MYO1E: variants seen among roughly 807,000 people sequenced by gnomAD.
The protein encoded by MYO1E is myosin IE.
A neutral mutation model predicts 151.1 loss-of-function variants in MYO1E; 68 were observed. That is an observed-to-expected ratio of 0.45 (90% CI 0.37 to 0.55). MYO1E has a LOEUF of 0.55. MYO1E is among the 20% of genes least tolerant of loss of function. The pLI is 0.00. For missense variants in MYO1E, 1,363 were observed against 1,389.3 expected (o/e 0.98, Z 0.30); for synonymous variants, 601 against 501.7 (o/e 1.20, Z -2.64).
chr15:59,230,251 T>TGTGC lies in MYO1E; in HGVS notation c.510+1447_510+1450dup, dbSNP rs1555412965. ...GTGTGTGTGTGTGTGTGTGTGTGTGTGTGCAGGTGAATGTGTGTCTGAATT... is the reference window on the plus strand; with the variant it reads ...GTGTGTGTGTGTGTGTGTGTGTGTGTGTGCGTGCAGGTGAATGTGTGTCTGAATT... On this transcript the variant is annotated intron_variant, in intron 6 of 27. Coordinates refer to ENST00000288235, the MANE Select transcript of MYO1E (RefSeq NM_004998.4). Among the ~76,000 whole-genome samples the TGTGC allele has an allele frequency of 1.3e-3, 195 of 151,770 alleles. 1 individual carries two copies. The highest frequency in any genetic ancestry group is 4.2e-3 in the African/African-American group (172 of 41,302).
intron 4 of MYO1E, among the ~76,000 whole-genome samples, chr15:59,252,158 C>T (rs1193430441): frequency 1.3e-5 from 2 of 152,092 alleles, no homozygotes; most frequent in Non-Finnish European, 2.9e-5. Context: ...TTTTCAACTT[C>T]ATTTTTCTCT....
At chr15:59,147,998 C>A (rs1482950029) in intron 26 of MYO1E, among the ~76,000 whole-genome samples, 1 of 152,124 alleles carries the variant, frequency 6.6e-6, no homozygotes, top group East Asian at 1.9e-4. Flanking sequence ...CCTGGTAGAG[C>A]ATTAAAATTT....
intron 1 of MYO1E, among the ~76,000 whole-genome samples, chr15:59,273,219 G>T (rs1471959687): frequency 6.6e-6 from 1 of 152,196 alleles, no homozygotes; most frequent in Non-Finnish European, 1.5e-5. Context: ...GGATTTTTCA[G>T]CTTCACACCA....
intron 2 of MYO1E, chr15:59,264,882 A>G (rs12437571): frequency 0.23 from 34,610 of 151,982 alleles, 4,608 homozygotes; most frequent in East Asian, 0.53. Flanking sequence ...AAATTAGCCA[A>G]GCATGTTGGT....
intron 26 of MYO1E, among the ~76,000 whole-genome samples, chr15:59,149,855 G>C (rs776098335): frequency 6.6e-5 from 10 of 152,160 alleles, no homozygotes; most frequent in Non-Finnish European, 1.5e-4. Context: ...TTGATGTATA[G>C]GAATTTTCAT....
rs1383014659 is a variant in MYO1E at position 59,174,959 on chromosome 15, A to G, written c.2050-719T>C. Among the ~76,000 whole-genome samples the G allele has an allele frequency of 2.6e-5, 4 of 152,048 alleles. No individual in the cohort carries two copies. In the East Asian group the frequency reaches 7.7e-4, roughly 29 times the overall value. On this transcript the variant is annotated intron_variant, in intron 19 of 27. Transcript: ENST00000288235. ...AATGAATGCTGACAGCTGCGCCTCAACCAGGCCTTGGAATGATAAAGGTGA... is the reference window on the plus strand; with the variant it reads ...AATGAATGCTGACAGCTGCGCCTCAGCCAGGCCTTGGAATGATAAAGGTGA...
At chr15:59,301,578 G>C (rs1308635546) in intron 1 of MYO1E, among the ~76,000 whole-genome samples, 1 of 152,230 alleles carries the variant, frequency 6.6e-6, no homozygotes, top group Non-Finnish European at 1.5e-5. Flanking sequence ...TAATTGAAGA[G>C]ATCTTCTTGG....
chr15:59,202,005 G>C lies in MYO1E; in HGVS notation c.1698+321C>G, dbSNP rs150362792. The stretch of plus-strand genomic sequence containing the variant: ...TCAACAGTATCCAAAACATGGCTCC[G>C]AACCATATTTCTCTGACAGTTTAAC... On this transcript the variant is annotated intron_variant, in intron 16 of 27. Coordinates refer to ENST00000288235, the MANE Select transcript of MYO1E (RefSeq NM_004998.4). Among the ~76,000 whole-genome samples, 652 of 152,264 alleles carry C rather than the reference G, an allele frequency of 4.3e-3. 9 individuals carry two copies. The highest frequency in any genetic ancestry group is 0.015 in the African/African-American group (605 of 41,558).
chr15:59,354,979 C>T (rs2140437246), intron 1 of MYO1E, among the ~76,000 whole-genome samples: 1 of 152,332 alleles, frequency 6.6e-6, no homozygotes, highest in African/African-American at 2.4e-5. Flanking sequence ...TCTTTGAAAA[C>T]TATTTCCAGT....
rs1221921502 is a variant in MYO1E at position 59,136,874 on chromosome 15, GA to G, written c.*505del. ...CAGCTTACCCTTGGCACGTACATGG[GA>G]AGTGCCTGCTCACGCTAAGCCCAGT... On this transcript the variant is annotated 3_prime_UTR_variant, in exon 28 of 28. Coordinates refer to ENST00000288235, the MANE Select transcript of MYO1E (RefSeq NM_004998.4). 1.7e-5 allele frequency: 7 copies of G among 420,896 alleles called. No individual in the cohort carries two copies. Among genetic ancestry groups the G allele is most frequent in the African/African-American group, 1.0e-4 (5 of 48,802 alleles). 26.1% of individuals were successfully genotyped at this position (420,896 alleles called of 1,614,324 possible). A position where few individuals can be genotyped will look rare whatever the true frequency, so the allele number is the denominator to read the frequency against.
intron 1 of MYO1E, among the ~76,000 whole-genome samples, chr15:59,365,590 C>G (rs779266117): frequency 1.3e-5 from 2 of 152,198 alleles, no homozygotes; most frequent in Non-Finnish European, 2.9e-5. Flanking sequence ...CTAGATCTCT[C>G]TGTGAAGTTA....
In MYO1E at chr15:59,346,284, T is replaced by C. The variant is rs35339038; in HGVS notation, c.3+26214A>G. ...GGCTGTGTCCCACCATGGATCACAT[T>C]CAGCCCAGACTCAGCTCCTTCTGCA... On this transcript the variant is annotated intron_variant, in intron 1 of 27. Coordinates refer to ENST00000288235, the MANE Select transcript of MYO1E (RefSeq NM_004998.4). Among the ~76,000 whole-genome samples the C allele has an allele frequency of 8.1e-3, 1,239 of 152,250 alleles. 4 individuals carry two copies. The highest frequency in any genetic ancestry group is 0.014 in the Non-Finnish European group (940 of 68,016).
chr15:59,359,810 G>C (rs2140440033), intron 1 of MYO1E: 1 of 152,298 alleles, frequency 6.6e-6, no homozygotes, highest in Non-Finnish European at 1.5e-5. Flanking sequence ...GGCCAAGCTT[G>C]AAGAAGTCCC....
chr15:59,243,204 C>T (rs2080110505), intron 4 of MYO1E, among the ~76,000 whole-genome samples: 1 of 143,908 alleles, frequency 6.9e-6, no homozygotes, highest in Admixed American at 7.1e-5. Context: ...TTTTTAAAAA[C>T]CAATTTTTGT....
At chr15:59,367,734 A>G (rs1364919351) in intron 1 of MYO1E, among the ~76,000 whole-genome samples, 12 of 152,236 alleles carry the variant, frequency 7.9e-5, no homozygotes, top group African/African-American at 2.9e-4. Flanking sequence ...TGGTTCACAG[A>G]AGGACACCAT....
rs559420945 is a variant in MYO1E, at chr15:59,359,330, T to A, written c.3+13168A>T. 7.4e-3 allele frequency among the ~76,000 whole-genome samples: 1,056 copies of A among 143,068 alleles called. 11 individuals carry two copies. Among genetic ancestry groups the A allele is most frequent in the African/African-American group, 0.025 (946 of 37,408 alleles). The allele number at this position is 143,068 out of a possible 152,430, so 93.9% of individuals were successfully genotyped here. A position where few individuals can be genotyped will look rare whatever the true frequency, so the allele number is the denominator to read the frequency against. On this transcript the variant is annotated intron_variant, in intron 1 of 27. Transcript: ENST00000288235. ...ATATATATAATATATATATATATTT[T>A]TTTTTTTAATTAGCTAGGCATGGCA... is the stretch of plus-strand genomic sequence containing the variant.
In MYO1E at chr15:59,137,038, T is replaced by G; in HGVS notation, c.*342A>C. On this transcript the variant is annotated 3_prime_UTR_variant, in exon 28 of 28. Coordinates refer to ENST00000288235, the MANE Select transcript of MYO1E (RefSeq NM_004998.4). Reference sequence around the variant, plus strand: ...GCCACCTACAGCCATTCTCTAGGCCTGGTGAGCAAGCAGGGTGCTGTTTTG... The same window carrying G: ...GCCACCTACAGCCATTCTCTAGGCCGGGTGAGCAAGCAGGGTGCTGTTTTG... 2.6e-6 allele frequency: 1 copy of G among 389,732 alleles called. No individual in the cohort carries two copies. The highest frequency in any genetic ancestry group is 4.9e-6 in the Non-Finnish European group (1 of 203,184). The allele number at this position is 389,732 out of a possible 1,614,324, so 24.1% of individuals were successfully genotyped here.
rs2079369648 is a variant in MYO1E, at chr15:59,135,867, A to G, written c.*1513T>C. The G allele has an allele frequency of 1.3e-5, 2 of 152,228 alleles. No individual in the cohort carries two copies. Among genetic ancestry groups the G allele is most frequent in the Admixed American group, 6.5e-5 (1 of 15,282 alleles). The allele number at this position is 152,228 out of a possible 1,614,324, so 9.4% of individuals were successfully genotyped here. On this transcript the variant is annotated 3_prime_UTR_variant, in exon 28 of 28. Coordinates refer to ENST00000288235, the MANE Select transcript of MYO1E (RefSeq NM_004998.4). The stretch of plus-strand genomic sequence containing the variant: ...GGCAGTCTCTACTTACAACCATTCC[A>G]TTATTGATGGGCATTACACTGATTC...
rs529463026 is a variant in MYO1E, at chr15:59,232,463, C to A, written c.421-672G>T. Reference sequence around the variant, plus strand: ...AGGGTCAACAGTGGATCGTGTGGAACGAGTCCTGGCCTGGGGGGAAGGATT... The same window carrying A: ...AGGGTCAACAGTGGATCGTGTGGAAAGAGTCCTGGCCTGGGGGGAAGGATT... On this transcript the variant is annotated intron_variant, in intron 5 of 27. Transcript: ENST00000288235. Among the ~76,000 whole-genome samples the A allele has an allele frequency of 3.3e-5, 5 of 152,304 alleles. No individual in the cohort carries two copies. In the South Asian group the frequency reaches 8.3e-4, roughly 25 times the overall value.
Sources: gnomAD v4.1 joint callset for allele counts (sites outside exome capture counted in the v4.1 genomes callset) on GRCh38, gnomAD v4.1.1 for gene constraint, MANE v1.5 for transcripts, NCBI Gene and HGNC (gene_info 2026-07-23, HGNC 2026-07-21) for gene names.